Variants in SH3RF2 observed in about 807,000 individuals in gnomAD.
SH3RF2 encodes the protein SH3 domain containing ring finger 2, also known as E3 ubiquitin-protein ligase SH3RF2.
A neutral mutation model predicts 59.0 loss-of-function variants in SH3RF2; 43 were observed. That is an observed-to-expected ratio of 0.73 (90% CI 0.57 to 0.94). The LOEUF is 0.94. Ranked by LOEUF, SH3RF2 falls within the 40% of genes least tolerant of loss-of-function variation. The probability of loss-of-function intolerance (pLI) is 0.00; values close to 1 mark genes in which losing one functional copy is unlikely to be tolerated. For missense variants in SH3RF2, 930 were observed against 940.1 expected (o/e 0.99, Z 0.14); for synonymous variants, 391 against 391.5 (o/e 1.00, Z 0.01).
chr5:145,946,226 A>T (rs1288875137), intron 2 of SH3RF2, among the ~76,000 whole-genome samples: 1 of 152,172 alleles, frequency 6.6e-6, no homozygotes, highest in Non-Finnish European at 1.5e-5. Context: ...AGGGACACTC[A>T]TGAGCTCAGA....
At chr5:145,977,374 A>G (rs1244131354) in intron 2 of SH3RF2, among the ~76,000 whole-genome samples, 1 of 152,212 alleles carries the variant, frequency 6.6e-6, no homozygotes, top group African/African-American at 2.4e-5. Context: ...CTCATCACAT[A>G]CAGTAATAAA....
intron 5 of SH3RF2, among the ~76,000 whole-genome samples, chr5:146,019,229 T>C (rs757973478): frequency 1.9e-4 from 29 of 152,162 alleles, no homozygotes; most frequent in Non-Finnish European, 3.7e-4. Flanking sequence ...CTTCTAGATT[T>C]TTTATGGTTT....
At chr5:145,950,811 C>T (rs1758163844) in intron 2 of SH3RF2, among the ~76,000 whole-genome samples, 1 of 152,140 alleles carries the variant, frequency 6.6e-6, no homozygotes, top group African/African-American at 2.4e-5. Flanking sequence ...TAACAGAAAC[C>T]CATTATGTGC....
intron 5 of SH3RF2, among the ~76,000 whole-genome samples, chr5:146,020,657 T>G (rs1368577322): frequency 6.6e-6 from 1 of 152,184 alleles, no homozygotes; most frequent in Non-Finnish European, 1.5e-5. Flanking sequence ...CTCTTTACAC[T>G]ATAAATACCA....
intron 5 of SH3RF2, among the ~76,000 whole-genome samples, chr5:146,028,068 C>T (rs945879879): frequency 4.6e-5 from 7 of 151,960 alleles, no homozygotes; most frequent in African/African-American, 9.7e-5. Context: ...GAAAAGGGAG[C>T]GGCCTAGCCT....
At chr5:145,958,143 C>A (rs770813400) in intron 2 of SH3RF2, among the ~76,000 whole-genome samples, 3 of 151,392 alleles carry the variant, frequency 2.0e-5, no homozygotes, top group Non-Finnish European at 4.4e-5. Context: ...CAAAACAAAA[C>A]AAAAAAACCT....
At chr5:146,067,212 G>T (rs1763128092), downstream of SH3RF2, among the ~76,000 whole-genome samples, 1 of 152,128 alleles carries the variant, frequency 6.6e-6, no homozygotes, top group Admixed American at 6.5e-5. Context: ...TCAAAACATG[G>T]CTCAGTGACC....
intron 8 of SH3RF2, among the ~76,000 whole-genome samples, chr5:146,057,074 A>G (rs1762697106): frequency 6.6e-6 from 1 of 152,250 alleles, no homozygotes. Flanking sequence ...GATTTATTCT[A>G]TGTTCCCTGA....
Position 146,060,104 on chromosome 5 carries a change from C to T in SH3RF2, c.1794C>T (p.Ser598=). 6.2e-7 allele frequency: 1 copy of T among 1,614,160 alleles called. No individual in the cohort carries two copies. Among genetic ancestry groups the T allele is most frequent in the Non-Finnish European group, 8.5e-7 (1 of 1,180,010 alleles). Residue 598 remains serine (S), a synonymous_variant, in exon 9 of 10, where the codon AGC becomes AGT. Coordinates refer to ENST00000359120, the MANE Select transcript of SH3RF2 (RefSeq NM_152550.4). ...GSEAWIHSAA[S]SLIMEDKEIP... ...AGGCCTGGATCCACTCCGCGGCCAG[C>T]TCCCTCATTATGGAAGACAAAGAAA...
At chr5:145,958,617 A>G (rs774783814) in intron 2 of SH3RF2, among the ~76,000 whole-genome samples, 12 of 152,204 alleles carry the variant, frequency 7.9e-5, no homozygotes, top group Non-Finnish European at 1.6e-4. Flanking sequence ...CTGGTCCGAT[A>G]TCTTCTTATA....
At chr5:145,962,557 TG>T (rs1758669316) in intron 2 of SH3RF2, among the ~76,000 whole-genome samples, 1 of 152,212 alleles carries the variant, frequency 6.6e-6, no homozygotes, top group African/African-American at 2.4e-5. Context: ...TCTTCTCAGT[TG>T]GTCTCTGATT....
intron 2 of SH3RF2, among the ~76,000 whole-genome samples, chr5:145,964,503 C>T (rs1324019756): frequency 4.6e-5 from 7 of 152,052 alleles, no homozygotes; most frequent in Non-Finnish European, 1.0e-4. Flanking sequence ...GACAGGGTTT[C>T]GCCATGTTGA....
chr5:146,053,100 T>G (rs1476798560), intron 7 of SH3RF2, among the ~76,000 whole-genome samples: 1 of 152,200 alleles, frequency 6.6e-6, no homozygotes, highest in African/African-American at 2.4e-5. Flanking sequence ...AATTTGGGGA[T>G]AAACTAGAGA....
At position 146,013,778 on chromosome 5, in the gene SH3RF2, A is replaced by C; in HGVS notation, c.776A>C (p.Lys259Thr). The change falls in exon 5 of 10, where the codon AAG (lysine) becomes ACG (threonine). Residue 259 changes from lysine to threonine, a missense_variant. Lys to Thr is a moderately conservative substitution (Grantham distance 78). Transcript: ENST00000359120. ...CTCACCGCAAGACACCTTTTAGAGA[A>C]GAACAAAGGTCGCCAGTCATCCCGC... ...PNLTARHLLE[K>T]NKGRQSSRTK... The C allele has an allele frequency of 6.2e-7, 1 of 1,614,078 alleles. No individual in the cohort carries two copies. Among genetic ancestry groups the C allele is most frequent in the South Asian group, 1.1e-5 (1 of 91,066 alleles).
At chr5:146,015,726 T>G (rs1761079119) in intron 5 of SH3RF2, among the ~76,000 whole-genome samples, 1 of 152,234 alleles carries the variant, frequency 6.6e-6, no homozygotes, top group South Asian at 2.1e-4. Flanking sequence ...AGAAGCTTAG[T>G]AGGATTCAAA....
intron 4 of SH3RF2, among the ~76,000 whole-genome samples, chr5:146,010,038 C>A (rs1367109310): frequency 7.9e-5 from 12 of 152,094 alleles, no homozygotes; most frequent in Non-Finnish European, 1.8e-4. Flanking sequence ...CTCCCCCCAC[C>A]CCACGACAGG....
chr5:146,026,345 G>C (rs1399212517), intron 5 of SH3RF2, among the ~76,000 whole-genome samples: 1 of 152,152 alleles, frequency 6.6e-6, no homozygotes, highest in African/African-American at 2.4e-5. Context: ...CATCACGAGC[G>C]AGGCCTCAAA....
intron 2 of SH3RF2, among the ~76,000 whole-genome samples, chr5:145,960,986 C>A (rs1758608816): frequency 6.6e-6 from 1 of 152,166 alleles, no homozygotes; most frequent in Admixed American, 6.5e-5. Flanking sequence ...CTGATAGCAG[C>A]AAGCAGCTGA....
chr5:146,068,725 T>A (rs1026566635), intron 9 of SH3RF2, among the ~76,000 whole-genome samples: 1 of 135,352 alleles, frequency 7.4e-6, no homozygotes, highest in Non-Finnish European at 1.6e-5. Context: ...TGTTCCCAGG[T>A]GGCCCTATGC....
Sources: allele counts gnomAD v4.1 joint callset (sites outside exome capture counted in the v4.1 genomes callset), GRCh38; gene constraint gnomAD v4.1.1; transcripts MANE v1.5; gene names NCBI Gene and HGNC (gene_info 2026-07-23, HGNC 2026-07-21).